LRTM3: variants seen among roughly 807,000 people sequenced by gnomAD.
The protein encoded by LRTM3 is leucine rich repeat transmembrane protein 3.
the LRTM3 span, chr13:102,740,210 T>C: frequency 1.3e-6 from 2 of 1,549,040 alleles, no homozygotes; most frequent in Non-Finnish European, 1.7e-6. Context: ...ATCTGATGAT[T>C]TCATTCCTTT....
chr13:102,745,369 T>C, the LRTM3 span: 5 of 1,550,420 alleles, frequency 3.2e-6, no homozygotes, highest in East Asian at 1.2e-4. Flanking sequence ...TTAGCGTGTC[T>C]TTTTCTGTTT....
chr13:102,734,417 A>T, the LRTM3 span: 3 of 1,551,248 alleles, frequency 1.9e-6, no homozygotes, highest in Non-Finnish European at 8.7e-7. Context: ...GAGTATGCAC[A>T]TTTTTCTTTG....
At chr13:102,746,179 C>T in the LRTM3 span, 1 of 1,551,108 alleles carries the variant, frequency 6.4e-7, no homozygotes, top group East Asian at 2.4e-5. Context: ...TAATATGTAG[C>T]TCCAGTGTTA....
the LRTM3 span, chr13:102,747,624 C>G: frequency 1.3e-6 from 2 of 1,551,170 alleles, no homozygotes; most frequent in Non-Finnish European, 1.7e-6. Flanking sequence ...CCAAATGGGA[C>G]ACTATACTCT....
chr13:102,755,718 G>A, the LRTM3 span, among the ~76,000 whole-genome samples: 25 of 151,206 alleles, frequency 1.7e-4, no homozygotes, highest in African/African-American at 5.8e-4. Context: ...CATGGCACAC[G>A]TATCCCTATG....
the LRTM3 span, chr13:102,737,971 CTCT>C: frequency 1.3e-6 from 2 of 1,550,946 alleles, no homozygotes; most frequent in Non-Finnish European, 1.7e-6. Flanking sequence ...CTTTCTGTTG[CTCT>C]TCAACTTCGT....
chr13:102,746,932 C>T, the LRTM3 span: 37 of 1,550,974 alleles, frequency 2.4e-5, no homozygotes, highest in African/African-American at 4.1e-4. Context: ...GAGATAGTTC[C>T]ATTATGGGAG....
chr13:102,734,946 G>T, the LRTM3 span: 1 of 1,551,088 alleles, frequency 6.4e-7, no homozygotes, highest in African/African-American at 1.4e-5. Context: ...CCAGCAATTG[G>T]CCTTATACAT....
At chr13:102,735,418 G>A in the LRTM3 span, 263 of 1,551,098 alleles carry the variant, frequency 1.7e-4, no homozygotes, top group Non-Finnish European at 2.1e-4. Flanking sequence ...TTCTTATCAC[G>A]TTCTCCTGTC....
chr13:102,739,747 A>G, the LRTM3 span: 4 of 1,549,210 alleles, frequency 2.6e-6, no homozygotes, highest in Middle Eastern at 1.7e-4. Flanking sequence ...TACTTTTAAC[A>G]TTACTTGAGA....
chr13:102,741,748 C>G, the LRTM3 span: 6 of 1,550,396 alleles, frequency 3.9e-6, no homozygotes, highest in Non-Finnish European at 5.2e-6. Flanking sequence ...CTCTCTCCCA[C>G]GGAATTGAAA....
chr13:102,746,937 T>C, the LRTM3 span: 1 of 1,551,240 alleles, frequency 6.4e-7, no homozygotes. Flanking sequence ...AGTTCCATTA[T>C]GGGAGAAACA....
chr13:102,753,719 T>A, the LRTM3 span, among the ~76,000 whole-genome samples: 1 of 152,208 alleles, frequency 6.6e-6, no homozygotes, highest in African/African-American at 2.4e-5. Context: ...ATCTTTGTTA[T>A]CTGCCCATTA....
the LRTM3 span, chr13:102,737,520 C>T: frequency 6.4e-7 from 1 of 1,550,670 alleles, no homozygotes; most frequent in South Asian, 1.2e-5. Context: ...TGCTCCTCAC[C>T]TTCTCCGTCC....
At chr13:102,742,687 T>C in the LRTM3 span, 14 of 1,550,590 alleles carry the variant, frequency 9.0e-6, no homozygotes, top group East Asian at 7.3e-5. Flanking sequence ...AAACTGCTGA[T>C]TGCTTTGCCT....
At chr13:102,756,697 A>C in the LRTM3 span, among the ~76,000 whole-genome samples, 3 of 10,454 alleles carry the variant, frequency 2.9e-4, no homozygotes, top group Admixed American at 2.5e-3. Flanking sequence ...AAAAAAAAAC[A>C]AAAAAACAAA....
chr13:102,734,838 G>A, the LRTM3 span: 1 of 1,551,060 alleles, frequency 6.4e-7, no homozygotes, highest in Non-Finnish European at 8.7e-7. Flanking sequence ...TTCTCTTCCT[G>A]ATGTTTGGGG....
chr13:102,753,591 G>A, the LRTM3 span, among the ~76,000 whole-genome samples: 2 of 151,542 alleles, frequency 1.3e-5, no homozygotes, highest in South Asian at 4.2e-4. Context: ...CACCTCAGGA[G>A]AAACCAAGCC....
chr13:102,744,838 C>T, the LRTM3 span: 25 of 1,550,766 alleles, frequency 1.6e-5, 1 homozygote, highest in Non-Finnish European at 2.1e-5. Context: ...GTGGTGATTT[C>T]TGTAACTCCA....
Sources: allele counts gnomAD v4.1 joint callset (sites outside exome capture counted in the v4.1 genomes callset), GRCh38; gene constraint gnomAD v4.1.1; transcripts MANE v1.5; gene names NCBI Gene and HGNC (gene_info 2026-07-23, HGNC 2026-07-21).